TSC22D2: variants seen among roughly 807,000 people sequenced by gnomAD.
The protein encoded by TSC22D2 is TSC22 domain family member 2.
In TSC22D2, 5 loss-of-function variants were observed where a neutral mutation model predicts 50.1. The observed-to-expected ratio is 0.10, with a 90% confidence interval of 0.05 to 0.21. The LOEUF is 0.21. TSC22D2 is among the 10% of genes least tolerant of loss of function. TSC22D2 has a pLI of 1.00. For synonymous variants in TSC22D2, 501 were observed against 450.1 expected (o/e 1.11, Z -1.43); for missense variants, 1,003 against 1,015.5 (o/e 0.99, Z 0.17).
chr3:150,436,275 A>G (rs1315866999), intron 1 of TSC22D2, among the ~76,000 whole-genome samples: 2 of 152,102 alleles, frequency 1.3e-5, no homozygotes, highest in South Asian at 4.1e-4. Context: ...ACTGCTTCAT[A>G]TGACTGGTTT....
At chr3:150,446,820 A>G (rs1296320979) in intron 1 of TSC22D2, among the ~76,000 whole-genome samples, 1 of 152,204 alleles carries the variant, frequency 6.6e-6, no homozygotes, top group Non-Finnish European at 1.5e-5. Flanking sequence ...ATTAGGAAGG[A>G]GACTTGGTAG....
At position 150,409,269 on chromosome 3, in the gene TSC22D2, G is replaced by A; in HGVS notation, c.-82G>A. ...AGCGCAGACTCGGACTTTGTCTTTG[G>A]GGGCCCGTGCTCTGCCCTCCCCGGT... On this transcript the variant is annotated 5_prime_UTR_variant, in exon 1 of 3. Transcript: ENST00000688009. This position sits in a 1 kb window ranked among gnomAD's most constrained non-coding sequence, Gnocchi z 7.4. The A allele has an allele frequency of 6.8e-7, 1 of 1,464,648 alleles. No homozygotes were observed. Among genetic ancestry groups the A allele is most frequent in the Admixed American group, 2.2e-5 (1 of 44,828 alleles). 90.7% of individuals were successfully genotyped at this position (1,464,648 alleles called of 1,614,324 possible).
rs1320101961 is a variant in TSC22D2, at chr3:150,410,470, C to A, written c.1120C>A (p.Pro374Thr). The A allele has an allele frequency of 6.2e-7, 1 of 1,608,314 alleles. No individual in the cohort carries two copies. Among genetic ancestry groups the A allele is most frequent in the East Asian group, 2.2e-5 (1 of 44,524 alleles). ...IPPGHLLPVQPSGQSEYLQQH... is the reference protein window; with the variant it reads ...IPPGHLLPVQTSGQSEYLQQH... The stretch of plus-strand genomic sequence containing the variant: ...GCCCGGACATTTGCTGCCCGTCCAG[C>A]CCTCCGGCCAGAGTGAGTACCTGCA... Residue 374 changes from proline (P) to threonine (T), a missense_variant, in exon 1 of 3, where the codon CCC becomes ACC. Coordinates refer to ENST00000688009, the MANE Select transcript of TSC22D2 (RefSeq NM_001303264.2).
rs2108116066 is a variant in TSC22D2 at position 150,466,252 on chromosome 3, A to G, written c.*7616A>G. 6.6e-6 allele frequency: 1 copy of G among 151,842 alleles called. No homozygotes were observed. 9.4% of individuals were successfully genotyped at this position (151,842 alleles called of 1,614,324 possible). ...AAATACTGTATAGTGTACTTCTACAAGTACATATTTGTGTATTATATAGAG... is the reference window on the plus strand; with the variant it reads ...AAATACTGTATAGTGTACTTCTACAGGTACATATTTGTGTATTATATAGAG... On this transcript the variant is annotated 3_prime_UTR_variant, in exon 3 of 3. Transcript: ENST00000688009.
At position 150,453,842 on chromosome 3, in the gene TSC22D2, G is replaced by A. The variant is rs541402169; in HGVS notation, c.1959-3234G>A. Reference sequence around the variant, plus strand: ...TTATTCACAAAGATGAAGAAGTTATGGAACCTTTCTCAAAGAGCTCAATCT... The same window carrying A: ...TTATTCACAAAGATGAAGAAGTTATAGAACCTTTCTCAAAGAGCTCAATCT... On this transcript the variant is annotated intron_variant, in intron 1 of 2. Coordinates refer to ENST00000688009, the MANE Select transcript of TSC22D2 (RefSeq NM_001303264.2). Among the ~76,000 whole-genome samples the A allele has an allele frequency of 2.0e-5, 3 of 152,252 alleles. No individual in the cohort carries two copies. In the South Asian group the frequency reaches 6.2e-4, roughly 32 times the overall value.
chr3:150,422,997 A>T (rs373390033), intron 1 of TSC22D2: 1 of 1,343,324 alleles, frequency 7.4e-7, no homozygotes, highest in Non-Finnish European at 1.1e-6. Context: ...AAAAGTAGTG[A>T]TTATACTGTA....
intron 1 of TSC22D2, among the ~76,000 whole-genome samples, chr3:150,433,238 A>C (rs28592750): frequency 0.015 from 2,253 of 152,236 alleles, 69 homozygotes; most frequent in African/African-American, 0.052. Context: ...TGTATTTTTC[A>C]CTTTTTAATT....
At chr3:150,443,954 G>A (rs1479388257) in intron 1 of TSC22D2, among the ~76,000 whole-genome samples, 2 of 152,174 alleles carry the variant, frequency 1.3e-5, no homozygotes, top group African/African-American at 4.8e-5. Context: ...ACCATGATCA[G>A]TATATGGAGT....
At position 150,444,393 on chromosome 3, in the gene TSC22D2, T is replaced by C. The variant is rs370715395; in HGVS notation, c.1959-12683T>C. On this transcript the variant is annotated intron_variant, in intron 1 of 2. Coordinates refer to ENST00000688009, the MANE Select transcript of TSC22D2 (RefSeq NM_001303264.2). ...TTACTATCAATTATATGCAGAGTAGTGTTGTAATAAGTAGACCCTGGAGAT... is the reference window on the plus strand; with the variant it reads ...TTACTATCAATTATATGCAGAGTAGCGTTGTAATAAGTAGACCCTGGAGAT... Among the ~76,000 whole-genome samples the C allele has an allele frequency of 1.2e-3, 183 of 152,296 alleles. 1 individual carries two copies. In the South Asian group the frequency reaches 0.022, roughly 19 times the overall value.
chr3:150,410,398 G>C lies in TSC22D2; in HGVS notation c.1048G>C (p.Ala350Pro), dbSNP rs752529992. The C allele has an allele frequency of 6.2e-7, 1 of 1,607,182 alleles. No individual in the cohort carries two copies. The highest frequency in any genetic ancestry group is 1.3e-5 in the African/African-American group (1 of 74,390). The part of the protein sequence containing the change: ...PQPGPAVGAP[A>P]AQQPQQFAYP... Reference sequence around the variant, plus strand: ...GCCGGGCCCTGCAGTGGGCGCCCCCGCGGCGCAGCAGCCCCAGCAGTTCGC... The same window carrying C: ...GCCGGGCCCTGCAGTGGGCGCCCCCCCGGCGCAGCAGCCCCAGCAGTTCGC... Residue 350 changes from alanine to proline, a missense_variant, in exon 1 of 3, where the codon GCG becomes CCG. Transcript: ENST00000688009.
intron 1 of TSC22D2, among the ~76,000 whole-genome samples, chr3:150,426,107 A>G (rs1321217307): frequency 6.6e-6 from 1 of 152,208 alleles, no homozygotes; most frequent in Non-Finnish European, 1.5e-5. Flanking sequence ...CAATCAGCTG[A>G]ACCATCTTCA....
Position 150,458,536 on chromosome 3 carries a change from A to G in TSC22D2, c.2171A>G (p.Gln724Arg). 6.2e-7 allele frequency: 1 copy of G among 1,614,190 alleles called. No individual in the cohort carries two copies. The change falls in exon 3 of 3, where the codon CAA becomes CGA. Residue 724 changes from glutamine to arginine, a missense_variant. Physicochemically the swap from Gln to Arg is conservative, Grantham distance 43 (BLOSUM62 1). Coordinates refer to ENST00000688009, the MANE Select transcript of TSC22D2 (RefSeq NM_001303264.2). ...SNDQLSQLPT[Q>R]QANPGSTSQQ... Reference sequence around the variant, plus strand: ...GATCAATTATCCCAACTCCCAACCCAACAGGCCAATCCTGGTAGCACTTCT... The same window carrying G: ...GATCAATTATCCCAACTCCCAACCCGACAGGCCAATCCTGGTAGCACTTCT...
intron 1 of TSC22D2, among the ~76,000 whole-genome samples, chr3:150,437,194 G>A (rs1005829276): frequency 1.3e-5 from 2 of 152,038 alleles, no homozygotes; most frequent in Non-Finnish European, 2.9e-5. Context: ...CCAATTGAAA[G>A]CTTTCTGGTA....
chr3:150,443,434 T>G (rs909661672), intron 1 of TSC22D2, among the ~76,000 whole-genome samples: 36 of 152,216 alleles, frequency 2.4e-4, no homozygotes, highest in Non-Finnish European at 4.9e-4. Context: ...CATAAAGTTC[T>G]TTTTCAAAAA....
chr3:150,447,650 A>G (rs559589253), intron 1 of TSC22D2, among the ~76,000 whole-genome samples: 1 of 151,922 alleles, frequency 6.6e-6, no homozygotes, highest in South Asian at 2.1e-4. Flanking sequence ...GCCAACTCCT[A>G]GTTGCTCCAA....
At position 150,464,546 on chromosome 3, in the gene TSC22D2, CAGTGTA is replaced by C. The variant is rs1396342422; in HGVS notation, c.*5918_*5923del. The C allele has an allele frequency of 5.3e-5, 8 of 152,066 alleles. No individual in the cohort carries two copies. The highest frequency in any genetic ancestry group is 5.2e-4 in the Admixed American group (8 of 15,270). The allele number at this position is 152,066 out of a possible 1,614,324, so 9.4% of individuals were successfully genotyped here. ...TTTGTGTGCTCCAATGAGCTCAGTC[CAGTGTA>C]AGTGTAAAAGTTAAAGTGCCATATT... On this transcript the variant is annotated 3_prime_UTR_variant, in exon 3 of 3. Transcript: ENST00000688009.
At chr3:150,416,218 T>C (rs927746907) in intron 1 of TSC22D2, among the ~76,000 whole-genome samples, 1 of 152,198 alleles carries the variant, frequency 6.6e-6, no homozygotes, top group Non-Finnish European at 1.5e-5. Context: ...TTTGAAGAAT[T>C]GTTTTAGTCC....
At chr3:150,437,493 G>A (rs1720582327) in intron 1 of TSC22D2, among the ~76,000 whole-genome samples, 1 of 151,966 alleles carries the variant, frequency 6.6e-6, no homozygotes, top group Non-Finnish European at 1.5e-5. Context: ...TACTGATCCA[G>A]CCACCCATGC....
At chr3:150,448,067 C>G (rs972852760) in intron 1 of TSC22D2, among the ~76,000 whole-genome samples, 3 of 152,198 alleles carry the variant, frequency 2.0e-5, no homozygotes, top group African/African-American at 7.2e-5. Flanking sequence ...ATGCCACCCT[C>G]CTCATACCCC....
Sources: allele counts gnomAD v4.1 joint callset (sites outside exome capture counted in the v4.1 genomes callset), GRCh38; gene constraint gnomAD v4.1.1; non-coding constraint Gnocchi (gnomAD v3.1); transcripts MANE v1.5; gene names NCBI Gene and HGNC (gene_info 2026-07-23, HGNC 2026-07-21).